NUDT22: variants seen among roughly 807,000 people sequenced by gnomAD.
NUDT22 encodes the protein nudix hydrolase 22, also known as uridine diphosphate glucose pyrophosphatase NUDT22.
A neutral mutation model predicts 28.8 loss-of-function variants in NUDT22; 23 were observed. That is an observed-to-expected ratio of 0.80 (90% CI 0.58 to 1.13). The LOEUF (loss-of-function observed/expected upper bound fraction) is 1.13, where lower values mean the gene tolerates loss of function less well. Ranked by LOEUF, NUDT22 falls within the 50% of genes most tolerant of loss-of-function variation. NUDT22 has a pLI of 0.00. For missense variants in NUDT22, 358 were observed against 387.3 expected, an observed-to-expected ratio of 0.92 and a Z score of 0.64; for synonymous variants, 175 against 173.7, an observed-to-expected ratio of 1.01 and a Z score of -0.06.
chr11:64,229,515 C>A lies in NUDT22; in HGVS notation c.715C>A (p.Leu239Met), dbSNP rs143011218. The change falls in exon 5 of 6, where the codon CTG (leucine) becomes ATG (methionine). Residue 239 changes from leucine to methionine, a missense_variant. Leu to Met is a conservative substitution (Grantham distance 15, BLOSUM62 2). Coordinates refer to ENST00000279206, the MANE Select transcript of NUDT22 (RefSeq NM_032344.4). The part of the protein sequence containing the change: ...LTSEQVRKHY[L>M]SGGPEAHEST... ...TTCTGAGCAGGTGAGGAAGCACTAC[C>A]TGAGTGGGGGACCCGAGGCCCACGA... is the stretch of plus-strand genomic sequence containing the variant. The A allele has an allele frequency of 2.3e-5, 37 of 1,614,076 alleles. No individual in the cohort carries two copies. In the African/African-American group the frequency reaches 4.4e-4, roughly 19 times the overall value.
Position 64,229,317 on chromosome 11 carries a change from G to A in NUDT22, c.650G>A (p.Gly217Asp). The A allele has an allele frequency of 6.2e-7, 1 of 1,607,460 alleles. No individual in the cohort carries two copies. The highest frequency in any genetic ancestry group is 2.2e-5 in the East Asian group (1 of 44,522). Reference sequence around the variant, plus strand: ...ATCGCCCGAAATGAGACCAGTGCTGGCCGAGCCAGTGCCGAGTTCTATGTC... The same window carrying A: ...ATCGCCCGAAATGAGACCAGTGCTGACCGAGCCAGTGCCGAGTTCTATGTC... ...LGIARNETSAGRASAEFYVQC... is the reference protein window; with the variant it reads ...LGIARNETSADRASAEFYVQC... Residue 217 changes from glycine to aspartate, a missense_variant, in exon 4 of 6, where the codon GGC (glycine) becomes GAC (aspartate). Coordinates refer to ENST00000279206, the MANE Select transcript of NUDT22 (RefSeq NM_032344.4).
chr11:64,229,251 A>G lies in NUDT22; in HGVS notation c.584A>G (p.Asn195Ser). Residue 195 changes from asparagine (N) to serine (S), a missense_variant, in exon 4 of 6, where the codon AAC becomes AGC. Transcript: ENST00000279206. ...CCACCCCACCCTCCACCGCAGGTGA[A>G]CCTGCCGCTGCTCACCCTGAGCCAG... is the stretch of plus-strand genomic sequence containing the variant. Reference protein sequence around the residue: ...SVLQEICDEVNLPLLTLSQPL... With the variant: ...SVLQEICDEVSLPLLTLSQPL... 2 of 1,571,460 alleles carry G rather than the reference A, an allele frequency of 1.3e-6. No homozygotes were observed. Among genetic ancestry groups the G allele is most frequent in the Non-Finnish European group, 8.6e-7 (1 of 1,158,396 alleles).
At position 64,229,956 on chromosome 11, in the gene NUDT22, C is replaced by T. The variant is rs1292143762; in HGVS notation, c.878C>T (p.Ala293Val). The change falls in exon 6 of 6, where the codon GCC (alanine) becomes GTC (valine). Residue 293 changes from alanine (A) to valine (V), a missense_variant. Coordinates refer to ENST00000279206, the MANE Select transcript of NUDT22 (RefSeq NM_032344.4). ...NRVQGSPTGA[A>V]LGSPALLPPL is the part of the protein sequence containing the mutation. Reference sequence around the variant, plus strand: ...GTTCAGGGAAGTCCCACTGGAGCGGCCCTAGGGTCCCCAGCCCTACTCCCG... The same window carrying T: ...GTTCAGGGAAGTCCCACTGGAGCGGTCCTAGGGTCCCCAGCCCTACTCCCG... The T allele has an allele frequency of 1.9e-6, 3 of 1,613,114 alleles. No individual in the cohort carries two copies. The South Asian group carries it at 3.3e-5, about 18-fold the overall frequency.
intron 3 of NUDT22, 64 bp from the exon 4 acceptor site, chr11:64,229,183 G>A (rs746631777): frequency 2.8e-5 from 32 of 1,157,580 alleles, no homozygotes; most frequent in Non-Finnish European, 3.4e-5. Context: ...TCATTGAGAC[G>A]GGCAGGGATG....
rs1314282550 is a variant in NUDT22 at position 64,229,273 on chromosome 11, C to G, written c.606C>G (p.Ser202Arg). 1 of 1,590,208 alleles carries G rather than the reference C, an allele frequency of 6.3e-7. No individual in the cohort carries two copies. The stretch of plus-strand genomic sequence containing the variant: ...TGAACCTGCCGCTGCTCACCCTGAG[C>G]CAGCCCCTGCTGTTGGGCATCGCCC... ...DEVNLPLLTL[S>R]QPLLLGIARN... is the part of the protein sequence containing the mutation. The change falls in exon 4 of 6, where the codon AGC (serine) becomes AGG (arginine). Residue 202 changes from serine to arginine, a missense_variant. Ser to Arg is a moderately radical substitution (Grantham distance 110). Transcript: ENST00000279206.
In NUDT22 at chr11:64,226,664, G is replaced by C; in HGVS notation, c.12G>C (p.Glu4Asp). ...GCCCCGTTCAGACCATGGATCCTGA[G>C]GTGACCTTGCTGCTGCAGTGCCCTG... MDP[E>D]VTLLLQCPGG... The change falls in exon 2 of 6, where the codon GAG becomes GAC. Residue 4 changes from glutamate (E) to aspartate (D), a missense_variant. Physicochemically the swap from Glu to Asp is conservative, Grantham distance 45. Transcript: ENST00000279206. 2 of 1,598,148 alleles carry C rather than the reference G, an allele frequency of 1.3e-6. No homozygotes were observed. Among genetic ancestry groups the C allele is most frequent in the East Asian group, 2.2e-5 (1 of 44,796 alleles).
intron 3 of NUDT22, chr11:64,228,971 C>CAAAAAAAG (rs1379021371): frequency 5.0e-6 from 2 of 396,942 alleles, no homozygotes; most frequent in African/African-American, 4.1e-5. Flanking sequence ...GACTCCATCT[C>CAAAAAAAG]AAAAAAAGAA....
At chr11:64,229,417 G>T in intron 4 of NUDT22, 61 bp from the exon 5 acceptor site, 1 of 1,605,454 alleles carries the variant, frequency 6.2e-7, no homozygotes, top group South Asian at 1.1e-5. Flanking sequence ...GGCAGCTGTG[G>T]CTCCACAGGT....
In NUDT22 at chr11:64,229,534, C is replaced by T. The variant is rs200399803; in HGVS notation, c.734C>T (p.Ala245Val). The T allele has an allele frequency of 6.2e-7, 1 of 1,614,148 alleles. No individual in the cohort carries two copies. The highest frequency in any genetic ancestry group is 8.5e-7 in the Non-Finnish European group (1 of 1,179,994). Residue 245 changes from alanine to valine, a missense_variant, in exon 5 of 6, where the codon GCC becomes GTC. Transcript: ENST00000279206. ...RKHYLSGGPE[A>V]HESTGIFFVE... ...CACTACCTGAGTGGGGGACCCGAGG[C>T]CCACGAGTCTACAGGAATCTTCTTT...
In NUDT22 at chr11:64,226,841, G is replaced by A. The variant is rs919585936; in HGVS notation, c.189G>A (p.Leu63=). Residue 63 remains leucine (L), a synonymous_variant, in exon 2 of 6, where the codon CTG becomes CTA. Transcript: ENST00000279206. ...TCTTCGACGCCCCCAAGTTCCGCCT[G>A]CACTCAGCCACCCTGGCGCCTATTG... ...PWLFDAPKFR[L]HSATLAPIGS... 6.2e-7 allele frequency: 1 copy of A among 1,608,720 alleles called. No individual in the cohort carries two copies. The highest frequency in any genetic ancestry group is 1.3e-5 in the African/African-American group (1 of 75,052).
intron 3 of NUDT22, chr11:64,228,693 G>A (rs980989106): frequency 1.3e-5 from 2 of 150,542 alleles, no homozygotes; most frequent in African/African-American, 4.9e-5. Flanking sequence ...AAGTGTGGCA[G>A]GGTGTGGTGG....
rs1355889145 is a variant in NUDT22, at chr11:64,227,170, C to G, written c.480+38C>G. The G allele has an allele frequency of 5.8e-6, 9 of 1,558,196 alleles. No individual in the cohort carries two copies. In the East Asian group the frequency reaches 2.1e-4, roughly 37 times the overall value. On this transcript the variant is annotated intron_variant, in intron 2 of 5. Transcript: ENST00000279206. ...GCTGGGCACAAAGACCCAGACAGCT[C>G]AAGGGAGCTGCAGCTCTCCACCCTC...
chr11:64,227,516 A>T (rs1231159341), intron 2 of NUDT22, 52 bp from the exon 3 acceptor site: 1 of 1,406,172 alleles, frequency 7.1e-7, no homozygotes, highest in African/African-American at 1.4e-5. Flanking sequence ...TGGTCCTGAG[A>T]TGGGGCAGGG....
intron 5 of NUDT22, 115 bp downstream of exon 5, chr11:64,229,686 A>T: frequency 7.4e-7 from 1 of 1,350,566 alleles, no homozygotes; most frequent in South Asian, 1.2e-5. Flanking sequence ...CCAGAGTCAC[A>T]AGATTTGCCC....
rs1433093083 is a variant in NUDT22 at position 64,227,578 on chromosome 11, C to T, written c.491C>T (p.Pro164Leu). 1 of 1,613,602 alleles carries T rather than the reference C, an allele frequency of 6.2e-7. No homozygotes were observed. Among genetic ancestry groups the T allele is most frequent in the Non-Finnish European group, 8.5e-7 (1 of 1,179,900 alleles). The change falls in exon 3 of 6, where the codon CCT becomes CTT. Residue 164 changes from proline to leucine, a missense_variant. Pro to Leu is a moderately conservative substitution (Grantham distance 98). Coordinates refer to ENST00000279206, the MANE Select transcript of NUDT22 (RefSeq NM_032344.4). ...GGHPEPQALC[P>L]GGSPQHQDLA... is the part of the protein sequence containing the mutation. ...CCTGACCTCTCACAGGCCCTGTGCC[C>T]TGGTGGCAGCCCCCAGCACCAGGAC...
At position 64,226,927 on chromosome 11, in the gene NUDT22, G is replaced by A. The variant is rs76224047; in HGVS notation, c.275G>A (p.Gly92Asp). Reference sequence around the variant, plus strand: ...CTTACTTCCTACCGAGACTTCCTGGGCACCAACTGGTCCAGCTCAGCTGCC... The same window carrying A: ...CTTACTTCCTACCGAGACTTCCTGGACACCAACTGGTCCAGCTCAGCTGCC... The part of the protein sequence containing the change: ...LGLTSYRDFL[G>D]TNWSSSAAWL... The change falls in exon 2 of 6, where the codon GGC (glycine) becomes GAC (aspartate). Residue 92 changes from glycine to aspartate, a missense_variant. By Grantham distance (94) the Gly-to-Asp change is moderately conservative. Coordinates refer to ENST00000279206, the MANE Select transcript of NUDT22 (RefSeq NM_032344.4). The A allele has an allele frequency of 3.7e-6, 6 of 1,602,146 alleles. No homozygotes were observed. In the Admixed American group the frequency reaches 5.0e-5, roughly 13 times the overall value.
chr11:64,227,242 G>A (rs1242311014), intron 2 of NUDT22, 110 bp downstream of exon 2: 1 of 1,362,902 alleles, frequency 7.3e-7, no homozygotes, highest in African/African-American at 1.4e-5. Flanking sequence ...GGGAAAATTG[G>A]CCTGGTATTT....
At chr11:64,227,167 G>A (rs1325510048) in intron 2 of NUDT22, 35 bp downstream of exon 2, 10 of 1,557,890 alleles carry the variant, frequency 6.4e-6, no homozygotes, top group Middle Eastern at 1.7e-4. Flanking sequence ...GACCCAGACA[G>A]CTCAAGGGAG....
chr11:64,228,949 G>A (rs535698980), intron 3 of NUDT22: 2 of 310,884 alleles, frequency 6.4e-6, no homozygotes, highest in African/African-American at 4.3e-5. Context: ...TCCAGCCTGG[G>A]CGACAGAGCG....
Sources: allele counts gnomAD v4.1 joint callset, GRCh38; gene constraint gnomAD v4.1.1; transcripts MANE v1.5; gene names NCBI Gene and HGNC (gene_info 2026-07-23, HGNC 2026-07-21).